WWTR1: variants seen among roughly 807,000 people sequenced by gnomAD.
WWTR1 encodes the protein WW domain containing transcription regulator 1, also known as WW domain-containing transcription regulator protein 1.
A neutral mutation model predicts 40.1 loss-of-function variants in WWTR1; 13 were observed. The observed-to-expected ratio is 0.32, with a 90% CI of 0.21 to 0.52. WWTR1 has a LOEUF of 0.52. Ranked by LOEUF, WWTR1 falls within the 20% of genes least tolerant of loss-of-function variation. The pLI is 0.97. For synonymous variants in WWTR1, 230 were observed against 210.1 expected, an observed-to-expected ratio of 1.09 and a Z score of -0.82; for missense variants, 436 against 523.1, an observed-to-expected ratio of 0.83 and a Z score of 1.63.
At chr3:149,557,264 AT>A (rs147511650) in intron 3 of WWTR1, among the ~76,000 whole-genome samples, 2,523 of 151,602 alleles carry the variant, frequency 0.017, 66 homozygotes, top group African/African-American at 0.059. Context: ...TAGAGATGGG[AT>A]TTCACCATAT....
intron 2 of WWTR1, among the ~76,000 whole-genome samples, chr3:149,650,834 A>G (rs1712825778): frequency 6.6e-6 from 1 of 152,228 alleles, no homozygotes; most frequent in Non-Finnish European, 1.5e-5. Context: ...AGTTGACTCT[A>G]ACTCCTTATT....
At chr3:149,716,759 G>C (rs2108235012) in intron 5 of WWTR1, among the ~76,000 whole-genome samples, 1 of 152,096 alleles carries the variant, frequency 6.6e-6, no homozygotes, top group Non-Finnish European at 1.5e-5. Context: ...TACTTGGGTG[G>C]CTCTAAATGT....
intron 2 of WWTR1, among the ~76,000 whole-genome samples, chr3:149,640,347 G>A (rs1712097847): frequency 6.6e-6 from 1 of 152,142 alleles, no homozygotes. Flanking sequence ...AAGTTTCTAT[G>A]GCTTGCATCT....
intron 2 of WWTR1, among the ~76,000 whole-genome samples, chr3:149,646,719 G>A (rs535752933): frequency 3.9e-5 from 6 of 152,262 alleles, no homozygotes; most frequent in East Asian, 1.9e-4. Flanking sequence ...TTAGATAACC[G>A]ACTAGCTAGC....
intron 2 of WWTR1, among the ~76,000 whole-genome samples, chr3:149,667,605 C>T (rs188906296): frequency 1.1e-4 from 17 of 152,090 alleles, no homozygotes; most frequent in East Asian, 3.9e-4. Flanking sequence ...GGCAACCCAG[C>T]ATCCCACTAT....
upstream of WWTR1, among the ~76,000 whole-genome samples, chr3:149,658,966 A>T (rs1713431638): frequency 6.6e-6 from 1 of 152,146 alleles, no homozygotes; most frequent in Non-Finnish European, 1.5e-5. Context: ...ACCCGAAAAA[A>T]GCCACCCACC....
At chr3:149,635,062 T>C (rs138770504) in intron 2 of WWTR1, among the ~76,000 whole-genome samples, 27 of 152,282 alleles carry the variant, frequency 1.8e-4, no homozygotes, top group African/African-American at 6.0e-4. Context: ...CCCTGTATAA[T>C]CAGAAATCAG....
At chr3:149,594,537 T>C (rs137921213) in intron 2 of WWTR1, among the ~76,000 whole-genome samples, 1 of 152,324 alleles carries the variant, frequency 6.6e-6, no homozygotes, top group East Asian at 1.9e-4. Flanking sequence ...TTTAACCTAA[T>C]TTAATCATAA....
chr3:149,679,767 A>T (rs1387550119), intron 1 of WWTR1, among the ~76,000 whole-genome samples: 1 of 152,180 alleles, frequency 6.6e-6, no homozygotes, highest in Non-Finnish European at 1.5e-5. Flanking sequence ...AAAACCTCTC[A>T]GGTGGAATAA....
intron 6 of WWTR1, 59 bp downstream of exon 6, chr3:149,525,954 C>A: frequency 3.1e-6 from 3 of 967,346 alleles, no homozygotes; most frequent in Admixed American, 2.7e-5. Context: ...TTGAGATAAC[C>A]GAAGAGATCA....
chr3:149,631,261 A>C (rs1327107970), intron 2 of WWTR1, among the ~76,000 whole-genome samples: 1 of 152,240 alleles, frequency 6.6e-6, no homozygotes, highest in Non-Finnish European at 1.5e-5. Flanking sequence ...AAGATCCACT[A>C]TTATAAGAGT....
chr3:149,598,653 A>AT (rs139354144), intron 2 of WWTR1, among the ~76,000 whole-genome samples: 44 of 149,902 alleles, frequency 2.9e-4, no homozygotes, highest in South Asian at 1.5e-3. Flanking sequence ...GCTGTATTCC[A>AT]TTTTTTTTTC....
intron 1 of WWTR1, 94 bp downstream of exon 1, chr3:149,657,671 G>C (rs1375297828): frequency 1.0e-5 from 2 of 199,086 alleles, no homozygotes; most frequent in Non-Finnish European, 2.0e-5. Context: ...AGTTCAGCCC[G>C]AGCCAACTCC....
At chr3:149,615,118 G>T (rs1739913723) in intron 2 of WWTR1, among the ~76,000 whole-genome samples, 1 of 152,184 alleles carries the variant, frequency 6.6e-6, no homozygotes, top group Non-Finnish European at 1.5e-5. Flanking sequence ...TCTATGTGCA[G>T]ACCAGCATGT....
intron 2 of WWTR1, among the ~76,000 whole-genome samples, chr3:149,605,206 T>C (rs1247208332): frequency 6.6e-6 from 1 of 152,150 alleles, no homozygotes; most frequent in Non-Finnish European, 1.5e-5. Flanking sequence ...AACGAGGAGC[T>C]TCAAAGCACA....
At chr3:149,688,415 T>C (rs1576641456) in intron 1 of WWTR1, among the ~76,000 whole-genome samples, 1 of 152,078 alleles carries the variant, frequency 6.6e-6, no homozygotes, top group East Asian at 1.9e-4. Context: ...CTCCCCCAAC[T>C]CCAGGCAGCT....
Position 149,551,087 on chromosome 3 carries a change from C to T in WWTR1, c.569-8550G>A, listed in dbSNP as rs761250841. Among the ~76,000 whole-genome samples the T allele has an allele frequency of 7.6e-5, 11 of 144,162 alleles. 1 individual carries two copies. Among genetic ancestry groups the T allele is most frequent in the Non-Finnish European group, 1.7e-4 (11 of 65,978 alleles). 94.6% of individuals were successfully genotyped at this position (144,162 alleles called of 152,430 possible). On this transcript the variant is annotated intron_variant, in intron 3 of 6. Transcript: ENST00000360632. The stretch of plus-strand genomic sequence containing the variant: ...CTGAGGCGGGCAAATCACCTGAGGT[C>T]GGGAGTTTGAGACCAGCCTGACCAA...
intron 3 of WWTR1, among the ~76,000 whole-genome samples, chr3:149,555,827 A>G (rs1348402011): frequency 6.6e-6 from 1 of 152,246 alleles, no homozygotes; most frequent in African/African-American, 2.4e-5. Flanking sequence ...GTAGGAGATT[A>G]TCGTCTAACG....
In WWTR1 at chr3:149,579,583, G is replaced by A. The variant is rs56835637; in HGVS notation, c.432-6583C>T. Among the ~76,000 whole-genome samples, 1,075 of 152,126 alleles carry A rather than the reference G, an allele frequency of 7.1e-3. 14 individuals are homozygous for A. The highest frequency in any genetic ancestry group is 0.025 in the African/African-American group (1,037 of 41,496). ...TCTTAGCACTCTGGGAGGCTGAGGCGGGAGGACTGCTTGAGCCCCAGAGTT... is the reference window on the plus strand; with the variant it reads ...TCTTAGCACTCTGGGAGGCTGAGGCAGGAGGACTGCTTGAGCCCCAGAGTT... On this transcript the variant is annotated intron_variant, in intron 2 of 6. Transcript: ENST00000360632.
Sources: allele counts gnomAD v4.1 joint callset (sites outside exome capture counted in the v4.1 genomes callset), GRCh38; gene constraint gnomAD v4.1.1; transcripts MANE v1.5; gene names NCBI Gene and HGNC (gene_info 2026-07-23, HGNC 2026-07-21).